The following TSNARE1 variants were observed in gnomAD, a reference collection of about 807,000 sequenced individuals.
TSNARE1 encodes the protein t-SNARE domain containing 1, also known as t-SNARE domain-containing protein 1.
In TSNARE1, 49 loss-of-function variants were observed where a neutral mutation model predicts 62.0. That is an observed-to-expected ratio of 0.79 (90% CI 0.63 to 1.00). The LOEUF (loss-of-function observed/expected upper bound fraction) is 1.00, where lower values mean the gene tolerates loss of function less well. Ranked by LOEUF, TSNARE1 falls within the 50% of genes least tolerant of loss-of-function variation. The probability of loss-of-function intolerance (pLI) is 0.00; values close to 1 mark genes in which losing one functional copy is unlikely to be tolerated. For missense variants in TSNARE1, 755 were observed against 700.1 expected (o/e 1.08, Z -0.88); for synonymous variants, 328 against 294.4 (o/e 1.11, Z -1.17).
Position 142,255,614 on chromosome 8 carries a change from TCACCATCACCAC to T in TSNARE1, c.1446+19155_1446+19166del, listed in dbSNP as rs1161531729. On this transcript the variant is annotated intron_variant, in intron 12 of 13. Transcript: ENST00000524325. ...ACCACTGTCACCATCACCACCACCA[TCACCATCACCAC>T]CACCATCACCACCATCATCACCATC... 1.1e-4 allele frequency among the ~76,000 whole-genome samples: 3 copies of T among 27,138 alleles called. 1 individual carries two copies. In the East Asian group the frequency reaches 4.5e-3, roughly 41 times the overall value. The allele number at this position is 27,138 out of a possible 152,430, so 17.8% of individuals were successfully genotyped here.
chr8:142,239,847 T>A (rs986727394), intron 12 of TSNARE1, among the ~76,000 whole-genome samples: 2 of 152,242 alleles, frequency 1.3e-5, no homozygotes, highest in Non-Finnish European at 2.9e-5. Context: ...CAATGGTGGA[T>A]GGGACCCAAA....
At chr8:142,288,597 G>A (rs1445381716) in intron 10 of TSNARE1, among the ~76,000 whole-genome samples, 1 of 152,242 alleles carries the variant, frequency 6.6e-6, no homozygotes, top group Admixed American at 6.5e-5. Context: ...CGGCTGACAG[G>A]AGCCGGCACT....
chr8:142,256,947 C>T (rs1818616823), intron 12 of TSNARE1, among the ~76,000 whole-genome samples: 1 of 152,172 alleles, frequency 6.6e-6, no homozygotes, highest in Non-Finnish European at 1.5e-5. Flanking sequence ...CTCTGAGCCA[C>T]AGGTATTGGA....
At chr8:142,318,716 G>C (rs1312929682) in intron 6 of TSNARE1, 82 bp from the exon 7 acceptor site, 1 of 1,344,018 alleles carries the variant, frequency 7.4e-7, no homozygotes, top group African/African-American at 1.4e-5. Context: ...GGAGCAAGCA[G>C]GGACGCACGG....
intron 13 of TSNARE1, among the ~76,000 whole-genome samples, chr8:142,216,965 C>T (rs558532950): frequency 3.3e-5 from 5 of 152,196 alleles, no homozygotes; most frequent in South Asian, 2.1e-4. Flanking sequence ...GCCTAAGGAC[C>T]GGGCGCGGTG....
chr8:142,313,608 T>C (rs1828018350), intron 9 of TSNARE1, among the ~76,000 whole-genome samples: 1 of 152,206 alleles, frequency 6.6e-6, no homozygotes, highest in African/African-American at 2.4e-5. Flanking sequence ...TGTGTGTTTA[T>C]CTGTATGTCT....
At chr8:142,240,904 G>A (rs540533396) in intron 12 of TSNARE1, among the ~76,000 whole-genome samples, 15 of 152,290 alleles carry the variant, frequency 9.8e-5, no homozygotes, top group African/African-American at 2.9e-4. Context: ...CTGAAAACTC[G>A]TGGGCCAAGC....
intron 12 of TSNARE1, among the ~76,000 whole-genome samples, chr8:142,252,775 G>T (rs1484650231): frequency 2.0e-5 from 3 of 152,172 alleles, no homozygotes; most frequent in Non-Finnish European, 4.4e-5. Flanking sequence ...ATGCTGCCGT[G>T]GTGACCTCAG....
rs544182141 is a variant in TSNARE1, at chr8:142,303,100, C to G, written c.1132-2456G>C. Among the ~76,000 whole-genome samples the G allele has an allele frequency of 2.2e-3, 334 of 152,302 alleles. 9 individuals are homozygous for G. The South Asian group carries it at 0.066, about 30-fold the overall frequency. On this transcript the variant is annotated intron_variant, in intron 9 of 13. Transcript: ENST00000524325. ...CACAGGACCTGCTCTGCCGGCTCCC[C>G]CAGCGCTCGGGGACTATAACCTCAG...
At chr8:142,359,531 A>G (rs1172773088) in intron 1 of TSNARE1, among the ~76,000 whole-genome samples, 2 of 152,194 alleles carry the variant, frequency 1.3e-5, no homozygotes, top group Non-Finnish European at 1.5e-5. Flanking sequence ...GTGTCCTTAG[A>G]CACGGCACCG....
intron 1 of TSNARE1, among the ~76,000 whole-genome samples, chr8:142,370,155 G>T (rs1214349850): frequency 6.6e-6 from 1 of 152,218 alleles, no homozygotes; most frequent in African/African-American, 2.4e-5. Context: ...CACCAAATCT[G>T]CTGGCACCTT....
intron 10 of TSNARE1, among the ~76,000 whole-genome samples, chr8:142,286,997 T>C (rs1267690195): frequency 2.6e-5 from 4 of 152,216 alleles, no homozygotes; most frequent in African/African-American, 4.8e-5. Flanking sequence ...CTGAGAGGGT[T>C]AGTGACTGCC....
chr8:142,395,011 G>A (rs1837798411), intron 1 of TSNARE1, among the ~76,000 whole-genome samples: 1 of 152,168 alleles, frequency 6.6e-6, no homozygotes, highest in Admixed American at 6.5e-5. Flanking sequence ...GGCTGCTCTG[G>A]GAATTCAGGA....
chr8:142,230,634 G>A (rs765743844), intron 12 of TSNARE1, among the ~76,000 whole-genome samples: 8 of 152,138 alleles, frequency 5.3e-5, no homozygotes, highest in Admixed American at 3.9e-4. Context: ...AAACCAGAAG[G>A]TGGAATCCTC....
rs116320294 is a variant in TSNARE1 at position 142,395,705 on chromosome 8, G to A, written c.-40+7399C>T. Among the ~76,000 whole-genome samples the A allele has an allele frequency of 7.5e-3, 1,136 of 152,298 alleles. 17 individuals are homozygous for A. Among genetic ancestry groups the A allele is most frequent in the African/African-American group, 0.026 (1,070 of 41,574 alleles). On this transcript the variant is annotated intron_variant, in intron 1 of 13. Transcript: ENST00000524325. Reference sequence around the variant, plus strand: ...AACGGTTCTCCCCACTTGCAATTCCGCCTCCTGCGCCCACTCCCAGCACAC... The same window carrying A: ...AACGGTTCTCCCCACTTGCAATTCCACCTCCTGCGCCCACTCCCAGCACAC...
At chr8:142,359,427 C>T (rs758848273) in intron 1 of TSNARE1, among the ~76,000 whole-genome samples, 9 of 152,192 alleles carry the variant, frequency 5.9e-5, no homozygotes, top group Non-Finnish European at 1.2e-4. Flanking sequence ...GAAACCCTGT[C>T]TCCTGTCCCT....
intron 7 of TSNARE1, among the ~76,000 whole-genome samples, chr8:142,316,108 T>C (rs955693827): frequency 2.0e-5 from 3 of 146,980 alleles, no homozygotes; most frequent in African/African-American, 7.3e-5. Context: ...GCGCCTCCCG[T>C]AAGAGGGACC....
intron 1 of TSNARE1, among the ~76,000 whole-genome samples, chr8:142,375,915 G>A (rs1014226921): frequency 2.6e-5 from 4 of 152,180 alleles, no homozygotes; most frequent in African/African-American, 9.7e-5. Flanking sequence ...TAAGGAGAGA[G>A]GAAGAGGGTG....
chr8:142,327,173 C>G (rs371982081), intron 6 of TSNARE1, among the ~76,000 whole-genome samples: 1 of 152,232 alleles, frequency 6.6e-6, no homozygotes, highest in Non-Finnish European at 1.5e-5. Context: ...AAACATTCAC[C>G]GCAGCTTTAT....
Sources: gnomAD v4.1 joint callset for allele counts (sites outside exome capture counted in the v4.1 genomes callset) on GRCh38, gnomAD v4.1.1 for gene constraint, MANE v1.5 for transcripts, NCBI Gene and HGNC (gene_info 2026-07-23, HGNC 2026-07-21) for gene names.